Variants in NAALADL2 observed in about 807,000 individuals in gnomAD.
The protein encoded by NAALADL2 is N-acetylated alpha-linked acidic dipeptidase like 2, also known as inactive N-acetylated-alpha-linked acidic dipeptidase-like protein 2.
In NAALADL2, 76 loss-of-function variants were observed where a neutral mutation model predicts 87.2. The ratio of observed to expected loss-of-function variants is 0.87; its 90% confidence interval spans 0.72 to 1.05. The LOEUF (loss-of-function observed/expected upper bound fraction) is 1.05. Ranked by LOEUF, NAALADL2 falls within the 50% of genes least tolerant of loss-of-function variation. The probability of loss-of-function intolerance (pLI) is 0.00; values close to 1 mark genes in which losing one functional copy is unlikely to be tolerated. For synonymous variants in NAALADL2, 354 were observed against 331.0 expected (o/e 1.07, Z -0.75); for missense variants, 1,089 against 945.8 (o/e 1.15, Z -1.99).
chr3:175,651,463 AT>A (rs1263417102), intron 11 of NAALADL2, among the ~76,000 whole-genome samples: 2 of 152,158 alleles, frequency 1.3e-5, no homozygotes, highest in South Asian at 2.1e-4. Flanking sequence ...ACTCTAATTC[AT>A]TTTGGAGAGG....
intron 1 of NAALADL2, among the ~76,000 whole-genome samples, chr3:175,053,666 G>A (rs1755703391): frequency 1.3e-5 from 2 of 152,176 alleles, no homozygotes. Context: ...GTGAGAAAAG[G>A]TGTCCACACA....
chr3:174,770,761 ACCGGGAGGCAGAG>A (rs772346185), intron 3 of NAALADL2, among the ~76,000 whole-genome samples: 83 of 151,816 alleles, frequency 5.5e-4, no homozygotes, highest in Admixed American at 9.2e-4. Context: ...AATGGCGTGA[ACCGGGAGGCAGAG>A]CTTGCGGTGA....
At chr3:174,682,022 T>A (rs1000681707) in intron 2 of NAALADL2, among the ~76,000 whole-genome samples, 9 of 151,978 alleles carry the variant, frequency 5.9e-5, no homozygotes, top group African/African-American at 1.9e-4. Context: ...CACACACTTG[T>A]GGCAGTGGTG....
intron 4 of NAALADL2, among the ~76,000 whole-genome samples, chr3:175,277,095 T>G (rs1313750979): frequency 5.9e-5 from 9 of 152,276 alleles, no homozygotes; most frequent in African/African-American, 1.9e-4. Flanking sequence ...TTTATTAAAT[T>G]GTCAGGGTTT....
chr3:175,125,814 G>C (rs1034649015), intron 2 of NAALADL2, among the ~76,000 whole-genome samples: 5 of 152,040 alleles, frequency 3.3e-5, no homozygotes, highest in African/African-American at 1.2e-4. Context: ...CAGCATATTA[G>C]TGTCGTTTAA....
At chr3:174,740,273 C>T (rs187308396) in intron 3 of NAALADL2, among the ~76,000 whole-genome samples, 5 of 152,020 alleles carry the variant, frequency 3.3e-5, no homozygotes, top group African/African-American at 1.2e-4. Context: ...TAAATTAACA[C>T]AAGCATCTAG....
At chr3:174,478,145 A>C (rs372834317) in intron 1 of NAALADL2, among the ~76,000 whole-genome samples, 1 of 152,184 alleles carries the variant, frequency 6.6e-6, no homozygotes, top group African/African-American at 2.4e-5. Flanking sequence ...TATTTTACAA[A>C]TACTGACTGG....
chr3:174,965,911 G>T (rs1742796177), intron 1 of NAALADL2, among the ~76,000 whole-genome samples: 1 of 152,100 alleles, frequency 6.6e-6, no homozygotes, highest in African/African-American at 2.4e-5. Context: ...CTGGGGATTT[G>T]ATGATAGAGG....
At chr3:175,000,229 G>A (rs1247207082) in intron 1 of NAALADL2, among the ~76,000 whole-genome samples, 1 of 152,134 alleles carries the variant, frequency 6.6e-6, no homozygotes, top group East Asian at 1.9e-4. Context: ...GTTCACCTAA[G>A]AAAGACCGAT....
chr3:174,569,522 A>G (rs1160725838), intron 2 of NAALADL2, among the ~76,000 whole-genome samples: 1 of 151,740 alleles, frequency 6.6e-6, no homozygotes, highest in African/African-American at 2.4e-5. Context: ...ATCTCTTTCT[A>G]TTGTCTGAGT....
At chr3:174,755,210 G>T (rs898900594) in intron 3 of NAALADL2, among the ~76,000 whole-genome samples, 1 of 152,100 alleles carries the variant, frequency 6.6e-6, no homozygotes, top group East Asian at 1.9e-4. Context: ...TGAAGAAAGT[G>T]CCTGGCTTCC....
chr3:174,724,098 C>A (rs936238398), intron 2 of NAALADL2, among the ~76,000 whole-genome samples: 3 of 151,994 alleles, frequency 2.0e-5, no homozygotes, highest in Non-Finnish European at 4.4e-5. Context: ...TGGCTACATC[C>A]CTTGTGACAC....
intron 2 of NAALADL2, among the ~76,000 whole-genome samples, chr3:175,214,900 G>A (rs1348694330): frequency 6.6e-6 from 1 of 152,068 alleles, no homozygotes; most frequent in African/African-American, 2.4e-5. Context: ...TGATTTTGTT[G>A]TGGAGTTTAC....
intron 11 of NAALADL2, among the ~76,000 whole-genome samples, chr3:175,681,064 G>T (rs1297383019): frequency 6.6e-6 from 1 of 152,156 alleles, no homozygotes; most frequent in Non-Finnish European, 1.5e-5. Flanking sequence ...CGTGAGCCGA[G>T]ATCGTGCCAC....
intron 1 of NAALADL2, among the ~76,000 whole-genome samples, chr3:174,951,419 T>C (rs1381738601): frequency 6.6e-6 from 1 of 151,996 alleles, no homozygotes; most frequent in Non-Finnish European, 1.5e-5. Flanking sequence ...ACTAAAATGA[T>C]CAAAAAAAGA....
At chr3:174,920,948 C>T (rs779991831) in intron 1 of NAALADL2, among the ~76,000 whole-genome samples, 3 of 152,170 alleles carry the variant, frequency 2.0e-5, no homozygotes, top group Non-Finnish European at 4.4e-5. Flanking sequence ...ACTCTCAGAA[C>T]ACGGTCAGCA....
At chr3:175,026,221 A>G (rs1752202448) in intron 1 of NAALADL2, among the ~76,000 whole-genome samples, 1 of 152,142 alleles carries the variant, frequency 6.6e-6, no homozygotes, top group Non-Finnish European at 1.5e-5. Context: ...GCTCCAGGCA[A>G]TATTAATGAG....
At chr3:174,833,920 C>T (rs942738699) in intron 3 of NAALADL2, among the ~76,000 whole-genome samples, 1 of 150,312 alleles carries the variant, frequency 6.7e-6, no homozygotes, top group Non-Finnish European at 1.5e-5. Flanking sequence ...AATATGGGCA[C>T]CTACATAAAC....
intron 5 of NAALADL2, among the ~76,000 whole-genome samples, chr3:175,328,852 T>TA (rs1033236992): frequency 6.6e-6 from 1 of 152,144 alleles, no homozygotes; most frequent in Non-Finnish European, 1.5e-5. Flanking sequence ...GAGGTAAGCA[T>TA]AAAAAATAAG....
Sources: allele counts gnomAD v4.1 joint callset (sites outside exome capture counted in the v4.1 genomes callset), GRCh38; gene constraint gnomAD v4.1.1; transcripts MANE v1.5; gene names NCBI Gene and HGNC (gene_info 2026-07-23, HGNC 2026-07-21).